BRINP3: variants seen among roughly 807,000 people sequenced by gnomAD.
The protein encoded by BRINP3 is BMP/retinoic acid-inducible neural-specific protein 3.
In BRINP3, 19 loss-of-function variants were observed where a neutral mutation model predicts 71.0. That is an observed-to-expected ratio of 0.27 (90% CI 0.19 to 0.39). The LOEUF is 0.39. Among genes scored for constraint, BRINP3 ranks in the 10% least tolerant of loss-of-function variants. The pLI is 1.00. For synonymous variants in BRINP3, 380 were observed against 337.7 expected (o/e 1.13, Z -1.37); for missense variants, 959 against 940.8 (o/e 1.02, Z -0.25).
At chr1:190,153,926 G>C (rs1656644134) in intron 7 of BRINP3, 1 of 218,252 alleles carries the variant, frequency 4.6e-6, no homozygotes, top group Admixed American at 6.5e-5. Context: ...TGCAAGTTTG[G>C]CTCTAGTAAT....
chr1:190,310,951 C>T (rs1184331463), intron 2 of BRINP3, among the ~76,000 whole-genome samples: 4 of 151,742 alleles, frequency 2.6e-5, no homozygotes, highest in Non-Finnish European at 5.9e-5. Context: ...CCTGCTAGTG[C>T]ATGTTACTTA....
At chr1:190,365,294 G>GTTCAGTCA (rs1669408950) in intron 2 of BRINP3, among the ~76,000 whole-genome samples, 1 of 151,880 alleles carries the variant, frequency 6.6e-6, no homozygotes, top group African/African-American at 2.4e-5. Flanking sequence ...GAGGCATTGT[G>GTTCAGTCA]TTCAGTCATC....
At chr1:190,287,389 T>G (rs145857611) in intron 2 of BRINP3, among the ~76,000 whole-genome samples, 1 of 152,078 alleles carries the variant, frequency 6.6e-6, no homozygotes, top group Non-Finnish European at 1.5e-5. Flanking sequence ...ATTGGCAAGA[T>G]AAAAAAGTCC....
intron 2 of BRINP3, among the ~76,000 whole-genome samples, chr1:190,372,819 C>G (rs1048524680): frequency 6.6e-6 from 1 of 152,092 alleles, no homozygotes; most frequent in African/African-American, 2.4e-5. Context: ...TTTTATCACA[C>G]AAGTTTAAAT....
At chr1:190,377,440 C>G (rs563383557) in intron 2 of BRINP3, among the ~76,000 whole-genome samples, 1 of 151,976 alleles carries the variant, frequency 6.6e-6, no homozygotes, top group African/African-American at 2.4e-5. Context: ...TTCACCACTT[C>G]TATCCACCAT....
chr1:190,287,612 A>T (rs984760045), intron 2 of BRINP3, among the ~76,000 whole-genome samples: 1 of 152,190 alleles, frequency 6.6e-6, no homozygotes, highest in Non-Finnish European at 1.5e-5. Flanking sequence ...ATAAGCACTG[A>T]TTAATGACTG....
At chr1:190,417,496 C>A (rs893136531) in intron 2 of BRINP3, among the ~76,000 whole-genome samples, 26 of 151,994 alleles carry the variant, frequency 1.7e-4, no homozygotes, top group African/African-American at 6.3e-4. Context: ...ATTACTGATA[C>A]AATATTTTTG....
chr1:190,192,114 T>C (rs1261857843), intron 6 of BRINP3, among the ~76,000 whole-genome samples: 1 of 152,192 alleles, frequency 6.6e-6, no homozygotes, highest in Non-Finnish European at 1.5e-5. Context: ...GGGCTCTGAA[T>C]GCTTTTACAA....
chr1:190,328,214 G>A (rs893683577), intron 2 of BRINP3, among the ~76,000 whole-genome samples: 1 of 151,960 alleles, frequency 6.6e-6, no homozygotes, highest in Non-Finnish European at 1.5e-5. Context: ...AATCGGAGTG[G>A]AACTGAATAA....
intron 2 of BRINP3, among the ~76,000 whole-genome samples, chr1:190,406,882 T>C (rs893877308): frequency 1.3e-5 from 2 of 152,182 alleles, no homozygotes; most frequent in Non-Finnish European, 2.9e-5. Context: ...GAGATCAGTA[T>C]AAAATGTAAA....
At chr1:190,102,891 T>G (rs1333941908) in intron 7 of BRINP3, among the ~76,000 whole-genome samples, 1 of 152,112 alleles carries the variant, frequency 6.6e-6, no homozygotes, top group Non-Finnish European at 1.5e-5. Flanking sequence ...ACTTAAAATT[T>G]AACTGGAAAA....
chr1:190,147,720 T>C (rs1234292478), intron 7 of BRINP3, among the ~76,000 whole-genome samples: 1 of 152,212 alleles, frequency 6.6e-6, no homozygotes, highest in Non-Finnish European at 1.5e-5. Context: ...TTCCCTCTCA[T>C]GGTTAGATTG....
chr1:190,262,425 C>T (rs1171126935), intron 4 of BRINP3, among the ~76,000 whole-genome samples: 2 of 152,144 alleles, frequency 1.3e-5, no homozygotes, highest in Non-Finnish European at 2.9e-5. Context: ...GTATTCTTGG[C>T]TATGTTGTTA....
intron 2 of BRINP3, among the ~76,000 whole-genome samples, chr1:190,346,642 G>T (rs565557520): frequency 6.6e-6 from 1 of 151,976 alleles, no homozygotes. Flanking sequence ...AATACAAAGT[G>T]CTACCTTTCC....
chr1:190,181,986 A>G (rs770233227), intron 6 of BRINP3, among the ~76,000 whole-genome samples: 1 of 152,058 alleles, frequency 6.6e-6, no homozygotes, highest in African/African-American at 2.4e-5. Flanking sequence ...ATATTGAATC[A>G]TAGTTAGCAT....
intron 7 of BRINP3, among the ~76,000 whole-genome samples, chr1:190,136,412 A>T (rs371178080): frequency 6.6e-6 from 1 of 152,036 alleles, no homozygotes; most frequent in African/African-American, 2.4e-5. Context: ...ACCACAACTG[A>T]ACTCAGTTCA....
chr1:190,274,327 G>C (rs1027660375), intron 3 of BRINP3, among the ~76,000 whole-genome samples: 2 of 151,420 alleles, frequency 1.3e-5, no homozygotes, highest in East Asian at 3.9e-4. Flanking sequence ...CACTGCCCTT[G>C]AGTTAGTCCA....
chr1:190,127,896 T>G (rs1030992672), intron 7 of BRINP3, among the ~76,000 whole-genome samples: 6 of 151,790 alleles, frequency 4.0e-5, no homozygotes, highest in Non-Finnish European at 7.4e-5. Context: ...GTTATAGCAG[T>G]GTAATCTAGT....
chr1:190,355,986 T>G (rs1668705202), intron 2 of BRINP3, among the ~76,000 whole-genome samples: 1 of 151,896 alleles, frequency 6.6e-6, no homozygotes, highest in East Asian at 1.9e-4. Flanking sequence ...CTATGTCCCA[T>G]CAAGATATAA....
Sources: gnomAD v4.1 joint callset for allele counts (sites outside exome capture counted in the v4.1 genomes callset) on GRCh38, gnomAD v4.1.1 for gene constraint, MANE v1.5 for transcripts, NCBI Gene and HGNC (gene_info 2026-07-23, HGNC 2026-07-21) for gene names.